The following TGFBR3 variants were observed in gnomAD, a reference collection of about 807,000 sequenced individuals.
TGFBR3 encodes the protein transforming growth factor beta receptor type 3.
Under a neutral mutation model 87.9 loss-of-function variants are expected in TGFBR3, and 46 were observed. That is an observed-to-expected ratio of 0.52 (90% CI 0.41 to 0.67). TGFBR3 has a LOEUF of 0.67. TGFBR3 is among the 30% of genes least tolerant of loss of function. The pLI, the probability that TGFBR3 is intolerant of heterozygous loss-of-function variation, is 0.00. For missense variants in TGFBR3, 866 were observed against 1,041.9 expected, an observed-to-expected ratio of 0.83 and a Z score of 2.32; for synonymous variants, 381 against 391.6, an observed-to-expected ratio of 0.97 and a Z score of 0.32.
intron 2 of TGFBR3, among the ~76,000 whole-genome samples, chr1:91,850,664 C>T (rs891768390): frequency 1.3e-5 from 2 of 151,866 alleles, no homozygotes; most frequent in African/African-American, 2.4e-5. Flanking sequence ...GCCTGTAGTC[C>T]CACCTACATA....
chr1:91,707,874 G>T (rs977786581), intron 14 of TGFBR3, among the ~76,000 whole-genome samples: 2 of 152,212 alleles, frequency 1.3e-5, no homozygotes, highest in African/African-American at 4.8e-5. Flanking sequence ...CCTTGGAGCT[G>T]TGATGCGGGT....
At chr1:91,793,559 C>T (rs530389617) in intron 3 of TGFBR3, among the ~76,000 whole-genome samples, 1 of 152,240 alleles carries the variant, frequency 6.6e-6, no homozygotes, top group East Asian at 1.9e-4. Context: ...AATCCCAGCA[C>T]TCTGGGAGTC....
upstream of TGFBR3, among the ~76,000 whole-genome samples, chr1:91,891,079 G>A (rs1301066166): frequency 6.6e-6 from 1 of 151,626 alleles, no homozygotes; most frequent in African/African-American, 2.4e-5. Context: ...TGTATTTTTA[G>A]TAGAGATGGG....
chr1:91,780,494 A>C (rs966257868), intron 3 of TGFBR3, among the ~76,000 whole-genome samples: 1 of 146,680 alleles, frequency 6.8e-6, no homozygotes, highest in African/African-American at 2.5e-5. Flanking sequence ...TATGAGACAG[A>C]GTACCATGAA....
chr1:91,781,662 C>T (rs1245545525), intron 3 of TGFBR3, among the ~76,000 whole-genome samples: 1 of 152,058 alleles, frequency 6.6e-6, no homozygotes, highest in Non-Finnish European at 1.5e-5. Context: ...TTTAAGAACA[C>T]ATGACAAAAC....
intron 2 of TGFBR3, among the ~76,000 whole-genome samples, chr1:91,823,741 G>A (rs1676534764): frequency 6.6e-6 from 1 of 152,248 alleles, no homozygotes; most frequent in South Asian, 2.1e-4. Flanking sequence ...TGAAAGGGGT[G>A]GAGATGGATA....
chr1:91,764,765 C>A (rs1034394941), intron 3 of TGFBR3, among the ~76,000 whole-genome samples: 1 of 152,128 alleles, frequency 6.6e-6, no homozygotes, highest in African/African-American at 2.4e-5. Flanking sequence ...ACTAACACAC[C>A]GCAGCCTTGC....
At chr1:91,842,470 A>G (rs565400524) in intron 2 of TGFBR3, among the ~76,000 whole-genome samples, 1 of 152,280 alleles carries the variant, frequency 6.6e-6, no homozygotes, top group Admixed American at 6.5e-5. Context: ...TTGAGCATTC[A>G]TCTTTACCCT....
Position 91,708,657 on chromosome 1 carries a change from G to A in TGFBR3, c.2287+6C>T. The A allele has an allele frequency of 1.2e-6, 2 of 1,614,048 alleles. No individual in the cohort carries two copies. The highest frequency in any genetic ancestry group is 1.7e-6 in the Non-Finnish European group (2 of 1,179,924). On this transcript the variant is annotated splice_donor_region_variant and intron_variant, in intron 14 of 16. Transcript: ENST00000212355. ...CCATGCTCTGATCGTGCCTCCCAAA[G>A]CACACCTTTAGATTCTGCTTCATGG...
At chr1:91,739,917 T>C (rs1020500840) in intron 4 of TGFBR3, among the ~76,000 whole-genome samples, 5 of 152,094 alleles carry the variant, frequency 3.3e-5, no homozygotes, top group Non-Finnish European at 7.4e-5. Flanking sequence ...AGGTGCTACA[T>C]ACTTTTAAAT....
chr1:91,795,171 C>T (rs1011118394), intron 3 of TGFBR3, among the ~76,000 whole-genome samples: 5 of 152,140 alleles, frequency 3.3e-5, no homozygotes, highest in African/African-American at 1.2e-4. Flanking sequence ...ATCAGTTATC[C>T]CAAAATCTTG....
chr1:91,828,017 C>T (rs1557732034), intron 2 of TGFBR3, among the ~76,000 whole-genome samples: 2 of 152,262 alleles, frequency 1.3e-5, no homozygotes, highest in East Asian at 1.9e-4. Context: ...GCAGACTGTC[C>T]GGAACATTAT....
In TGFBR3 at chr1:91,758,594, G is replaced by A; in HGVS notation, c.384+19C>T. ...GTCCTTGTGCTAAGGATCAGTTTGG[G>A]GGAGGTTTAAGCACTTACCAAAAAC... On this transcript the variant is annotated intron_variant, in intron 4 of 16. Coordinates refer to ENST00000212355, the MANE Select transcript of TGFBR3 (RefSeq NM_003243.5). 6.2e-7 allele frequency: 1 copy of A among 1,613,744 alleles called. No individual in the cohort carries two copies. Among genetic ancestry groups the A allele is most frequent in the Middle Eastern group, 1.7e-4 (1 of 6,058 alleles).
intron 1 of TGFBR3, among the ~76,000 whole-genome samples, chr1:91,874,683 C>T (rs562645177): frequency 2.6e-5 from 4 of 151,846 alleles, no homozygotes; most frequent in South Asian, 2.1e-4. Flanking sequence ...TTAGTAGAGA[C>T]GGGGTTTCAC....
At chr1:91,865,981 G>A (rs577355899) in intron 1 of TGFBR3, among the ~76,000 whole-genome samples, 50 of 151,328 alleles carry the variant, frequency 3.3e-4, no homozygotes, top group Non-Finnish European at 6.2e-4. Context: ...CAAATGTGCT[G>A]CTAATTCTGC....
chr1:91,729,752 G>A, intron 6 of TGFBR3, 53 bp downstream of exon 6: 1 of 1,608,284 alleles, frequency 6.2e-7, no homozygotes, highest in South Asian at 1.1e-5. Flanking sequence ...CTCAAGTCAA[G>A]GAAGATCTTT....
intron 2 of TGFBR3, among the ~76,000 whole-genome samples, chr1:91,834,097 A>C (rs1676967306): frequency 6.6e-6 from 1 of 152,158 alleles, no homozygotes; most frequent in South Asian, 2.1e-4. Context: ...TTTTTCCTAC[A>C]TTGTAATGTT....
chr1:91,759,564 T>C (rs1673882427), intron 3 of TGFBR3, among the ~76,000 whole-genome samples: 1 of 152,096 alleles, frequency 6.6e-6, no homozygotes, highest in Non-Finnish European at 1.5e-5. Context: ...TTGGCACACA[T>C]GAGCCCAGGG....
In TGFBR3 at chr1:91,712,433, AT is replaced by A; in HGVS notation, c.1975del (p.Ile659PhefsTer8). ...RMSHYTIIEN[I>X]CPKDESVKFY... The stretch of plus-strand genomic sequence containing the variant: ...TTTCACAGATTCATCTTTAGGACAA[AT>A]ATTCTCAATAATGGTGTAATGAGAC... On this transcript the variant is annotated frameshift_variant, in exon 13 of 17. Transcript: ENST00000212355. LOFTEE classifies it high-confidence loss of function. 1 of 1,614,182 alleles carries A rather than the reference AT, an allele frequency of 6.2e-7. No homozygotes were observed.
Sources: gnomAD v4.1 joint callset for allele counts (sites outside exome capture counted in the v4.1 genomes callset) on GRCh38, gnomAD v4.1.1 for gene constraint, MANE v1.5 for transcripts, NCBI Gene and HGNC (gene_info 2026-07-23, HGNC 2026-07-21) for gene names.